Variants in RNF10 observed in about 807,000 individuals in gnomAD.
The protein encoded by RNF10 is E3 ubiquitin-protein ligase RNF10.
Under a neutral mutation model 91.4 loss-of-function variants are expected in RNF10, and 38 were observed. That is an observed-to-expected ratio of 0.42 (90% confidence interval 0.32 to 0.54). RNF10 has a LOEUF of 0.54. Ranked by LOEUF, RNF10 falls within the 20% of genes least tolerant of loss-of-function variation. The pLI is 0.16. For synonymous variants in RNF10, 364 were observed against 366.3 expected (o/e 0.99, Z 0.07); for missense variants, 945 against 1,012.0 (o/e 0.93, Z 0.90).
rs750611679 is a variant in RNF10 at position 120,563,828 on chromosome 12, T to A, written c.1550T>A (p.Met517Lys). 6.2e-7 allele frequency: 1 copy of A among 1,614,076 alleles called. No individual in the cohort carries two copies. The highest frequency in any genetic ancestry group is 1.7e-5 in the Admixed American group (1 of 60,000). Residue 517 changes from methionine to lysine, a missense_variant, in exon 10 of 17, where the codon ATG (methionine) becomes AAG (lysine). Physicochemically the swap from Met to Lys is moderately conservative, Grantham distance 95. Coordinates refer to ENST00000325954, the MANE Select transcript of RNF10 (RefSeq NM_014868.5). ...YFYQAEDGQH[M>K]FLHPVNVRCL... ...TCCTCAGCGGAAGATGGACAGCATA[T>A]GTTCCTGCACCCTGTGAATGTGCGC...
intron 13 of RNF10, among the ~76,000 whole-genome samples, chr12:120,567,807 G>A (rs149113802): frequency 6.6e-6 from 1 of 151,564 alleles, no homozygotes; most frequent in Admixed American, 6.6e-5. Flanking sequence ...ATAAATGTTC[G>A]TGGGTTTTAA....
chr12:120,567,115 G>A, intron 13 of RNF10, 135 bp downstream of exon 13: 1 of 769,304 alleles, frequency 1.3e-6, no homozygotes, highest in South Asian at 2.1e-5. Flanking sequence ...TAGTCCTGAG[G>A]TACATCAAAT....
In RNF10 at chr12:120,574,876, A is replaced by G. The variant is rs144648484; in HGVS notation, c.2143-755A>G. ...GGGAGGCAGAGGTTGCGGTAAGCCA[A>G]GATTTGCGCCATTGCACTCCAGCCT... On this transcript the variant is annotated intron_variant, in intron 14 of 16. Coordinates refer to ENST00000325954, the MANE Select transcript of RNF10 (RefSeq NM_014868.5). The G allele has an allele frequency of 5.3e-3, 1,139 of 213,248 alleles. 4 individuals are homozygous for G. The highest frequency in any genetic ancestry group is 8.0e-3 in the Non-Finnish European group (841 of 105,616). The allele number at this position is 213,248 out of a possible 1,614,324, so 13.2% of individuals were successfully genotyped here.
chr12:120,569,492 C>T (rs1876272911), intron 13 of RNF10, among the ~76,000 whole-genome samples: 1 of 149,732 alleles, frequency 6.7e-6, no homozygotes, highest in Non-Finnish European at 1.5e-5. Flanking sequence ...AAGGAGCATA[C>T]GAAGGACTGT....
chr12:120,573,246 C>T (rs1367861158), intron 14 of RNF10, among the ~76,000 whole-genome samples: 1 of 152,146 alleles, frequency 6.6e-6, no homozygotes, highest in Non-Finnish European at 1.5e-5. Context: ...ACATTTGTCT[C>T]AGCGTCCTTC....
intron 2 of RNF10, among the ~76,000 whole-genome samples, chr12:120,551,760 G>T (rs1207198730): frequency 6.6e-6 from 1 of 152,098 alleles, no homozygotes; most frequent in African/African-American, 2.4e-5. Context: ...CTCCTGAGTG[G>T]CTGAGAGTGC....
At chr12:120,553,027 G>A (rs1338618078) in intron 3 of RNF10, among the ~76,000 whole-genome samples, 1 of 133,124 alleles carries the variant, frequency 7.5e-6, no homozygotes, top group East Asian at 2.3e-4. Flanking sequence ...CCTTTATAAG[G>A]AAGAGGAAAG....
chr12:120,563,983 A>G (rs369639764), intron 10 of RNF10, 40 bp downstream of exon 10: 2 of 1,612,836 alleles, frequency 1.2e-6, no homozygotes, highest in East Asian at 4.5e-5. Flanking sequence ...AGGCAGCAGT[A>G]TTAACCTAAT....
At chr12:120,541,391 G>A (rs913154406) in intron 1 of RNF10, among the ~76,000 whole-genome samples, 8 of 151,858 alleles carry the variant, frequency 5.3e-5, no homozygotes, top group African/African-American at 1.9e-4. Context: ...AGCAAAGCAA[G>A]AGAATGTGGC....
chr12:120,554,506 A>G (rs892664281), intron 3 of RNF10: 1 of 504,336 alleles, frequency 2.0e-6, no homozygotes. Context: ...AGAAGAAAAC[A>G]GTTCATGGAT....
chr12:120,557,106 A>G (rs972459397), intron 4 of RNF10, among the ~76,000 whole-genome samples, 176 bp from the exon 5 acceptor site: 4 of 152,076 alleles, frequency 2.6e-5, no homozygotes, highest in African/African-American at 4.8e-5. Context: ...AAAAAAGAAA[A>G]AAATGATCAT....
intron 1 of RNF10, among the ~76,000 whole-genome samples, chr12:120,540,695 A>C (rs1415425736): frequency 6.6e-6 from 1 of 152,200 alleles, no homozygotes; most frequent in Non-Finnish European, 1.5e-5. Context: ...AACTAAAATC[A>C]CTAATCATGA....
chr12:120,576,593 A>T lies in RNF10; in HGVS notation c.2363A>T (p.Glu788Val). Residue 788 changes from glutamate to valine, a missense_variant, in exon 17 of 17, where the codon GAG (glutamate) becomes GTG (valine). Transcript: ENST00000325954. ...GTCTTTCTGTGTCTCCCTTTAGAAG[A>T]GAAAGGAGGAAAGAAAAGAAAAAAA... ...TPATSDPLSE[E>V]KGGKKRKKQK... The T allele has an allele frequency of 6.2e-7, 1 of 1,613,870 alleles. No individual in the cohort carries two copies. The highest frequency in any genetic ancestry group is 8.5e-7 in the Non-Finnish European group (1 of 1,179,864).
rs1427513643 is a variant in RNF10 at position 120,546,585 on chromosome 12, G to T, written c.338G>T (p.Gly113Val). 1.2e-6 allele frequency: 2 copies of T among 1,613,112 alleles called. No individual in the cohort carries two copies. Among genetic ancestry groups the T allele is most frequent in the Non-Finnish European group, 1.7e-6 (2 of 1,179,758 alleles). ...SSKLFSSSFN[G>V]GRRDEVAEAQ... Reference sequence around the variant, plus strand: ...AAACTCTTTAGCTCTTCTTTTAATGGTGGAAGACGAGATGAGGTATGGAAT... The same window carrying T: ...AAACTCTTTAGCTCTTCTTTTAATGTTGGAAGACGAGATGAGGTATGGAAT... Residue 113 changes from glycine to valine, a missense_variant, in exon 2 of 17, where the codon GGT (glycine) becomes GTT (valine). Physicochemically the swap from Gly to Val is moderately radical, Grantham distance 109 (BLOSUM62 -3). Transcript: ENST00000325954.
chr12:120,568,926 A>C (rs787947), intron 13 of RNF10, among the ~76,000 whole-genome samples: 2 of 151,928 alleles, frequency 1.3e-5, no homozygotes, highest in East Asian at 3.9e-4. Context: ...CTGGCCAAGA[A>C]AGATACTTTT....
At chr12:120,535,099 T>C in intron 1 of RNF10, 131 bp downstream of exon 1, 1 of 1,000,818 alleles carries the variant, frequency 1.0e-6, no homozygotes, top group Non-Finnish European at 1.4e-6. Flanking sequence ...CCCTTTTCCA[T>C]GGCTCTCATT....
intron 16 of RNF10, among the ~76,000 whole-genome samples, 153 bp from the exon 17 acceptor site, chr12:120,576,437 T>C (rs1877401568): frequency 6.6e-6 from 1 of 152,206 alleles, no homozygotes. Context: ...AGACACCCAC[T>C]TGGTGTATAC....
intron 8 of RNF10, 79 bp downstream of exon 8, chr12:120,563,149 A>G (rs1227033122): frequency 1.3e-6 from 2 of 1,587,930 alleles, no homozygotes; most frequent in South Asian, 1.1e-5. Flanking sequence ...TGTGAGATCT[A>G]AACCTTCTCA....
At chr12:120,574,562 G>A in intron 14 of RNF10, 1 of 456,054 alleles carries the variant, frequency 2.2e-6, no homozygotes, top group Non-Finnish European at 4.4e-6. Flanking sequence ...TTGAAGCGGT[G>A]TCAGGAGAGA....
Sources: gnomAD v4.1 joint callset for allele counts (sites outside exome capture counted in the v4.1 genomes callset) on GRCh38, gnomAD v4.1.1 for gene constraint, MANE v1.5 for transcripts, NCBI Gene and HGNC (gene_info 2026-07-23, HGNC 2026-07-21) for gene names.